Variants in NDUFAF2 observed in about 807,000 individuals in gnomAD.
NDUFAF2 encodes the protein NADH:ubiquinone oxidoreductase complex assembly factor 2.
Under a neutral mutation model 22.8 loss-of-function variants are expected in NDUFAF2, and 13 were observed. That is an observed-to-expected ratio of 0.57 (90% CI 0.37 to 0.91). The LOEUF is 0.91. Among genes scored for constraint, NDUFAF2 ranks in the 40% least tolerant of loss-of-function variants. NDUFAF2 has a pLI of 0.01. For missense variants in NDUFAF2, 162 were observed against 195.2 expected (o/e 0.83, Z 1.01); for synonymous variants, 53 against 64.2 (o/e 0.83, Z 0.84).
chr5:61,009,399 C>G (rs1047504447), intron 1 of NDUFAF2, among the ~76,000 whole-genome samples: 1 of 151,992 alleles, frequency 6.6e-6, no homozygotes, highest in African/African-American at 2.4e-5. Flanking sequence ...CTAATCTCAC[C>G]AAGGAATCAA....
At chr5:61,108,308 G>C (rs976548134) in intron 3 of NDUFAF2, among the ~76,000 whole-genome samples, 2 of 149,032 alleles carry the variant, frequency 1.3e-5, no homozygotes, top group Non-Finnish European at 1.5e-5. Flanking sequence ...CTAGTTTACA[G>C]TCCCACCAAC....
chr5:60,976,646 A>C (rs1750906249), intron 1 of NDUFAF2, among the ~76,000 whole-genome samples: 1 of 152,136 alleles, frequency 6.6e-6, no homozygotes, highest in Admixed American at 6.5e-5. Flanking sequence ...AGATAGTTTC[A>C]CTTTAAGCTT....
At chr5:60,981,035 A>G (rs1750970036) in intron 1 of NDUFAF2, among the ~76,000 whole-genome samples, 1 of 152,186 alleles carries the variant, frequency 6.6e-6, no homozygotes, top group South Asian at 2.1e-4. Flanking sequence ...GAGGTAATAG[A>G]GAACTTCCCA....
chr5:61,115,143 C>T (rs1233127723), intron 3 of NDUFAF2: 1 of 152,460 alleles, frequency 6.6e-6, no homozygotes, highest in Non-Finnish European at 1.5e-5. Flanking sequence ...TCTTCCCACT[C>T]TTCTCTCCCC....
chr5:61,119,910 A>C (rs907095309), intron 3 of NDUFAF2, among the ~76,000 whole-genome samples: 1 of 152,182 alleles, frequency 6.6e-6, no homozygotes, highest in African/African-American at 2.4e-5. Context: ...GTACATTTAA[A>C]AATTTTTTTA....
chr5:61,036,780 A>G (rs1224600562), intron 1 of NDUFAF2, among the ~76,000 whole-genome samples: 1 of 152,150 alleles, frequency 6.6e-6, no homozygotes, highest in Non-Finnish European at 1.5e-5. Flanking sequence ...CCTTCTCCCC[A>G]TTTGACCTTG....
At chr5:61,085,894 C>T (rs1752500658) in intron 2 of NDUFAF2, among the ~76,000 whole-genome samples, 1 of 152,054 alleles carries the variant, frequency 6.6e-6, no homozygotes, top group Admixed American at 6.6e-5. Context: ...GTGGGAGGAT[C>T]ACTTGAGGCC....
chr5:61,028,375 A>G (rs929402795), intron 1 of NDUFAF2, among the ~76,000 whole-genome samples: 8 of 152,104 alleles, frequency 5.3e-5, no homozygotes, highest in Admixed American at 5.2e-4. Context: ...CCATGCTCAT[A>G]AAATTTCTAT....
At chr5:61,062,661 T>C (rs1041411905) in intron 1 of NDUFAF2, among the ~76,000 whole-genome samples, 1 of 152,084 alleles carries the variant, frequency 6.6e-6, no homozygotes, top group Non-Finnish European at 1.5e-5. Flanking sequence ...TGCTGAAAAT[T>C]TGTCAAGTCT....
At chr5:60,983,722 A>G (rs1751025577) in intron 1 of NDUFAF2, among the ~76,000 whole-genome samples, 1 of 150,386 alleles carries the variant, frequency 6.6e-6, no homozygotes, top group Non-Finnish European at 1.5e-5. Flanking sequence ...GATATGCGGC[A>G]TTATTTCTGA....
intron 1 of NDUFAF2, among the ~76,000 whole-genome samples, chr5:61,020,993 CTTTT>C (rs35877702): frequency 8.6e-6 from 1 of 116,620 alleles, no homozygotes; most frequent in Non-Finnish European, 1.8e-5. Flanking sequence ...TGCGTCCAGC[CTTTT>C]TTTTTTTTTT....
chr5:61,079,305 A>C (rs1752410595), intron 2 of NDUFAF2, among the ~76,000 whole-genome samples: 1 of 152,170 alleles, frequency 6.6e-6, no homozygotes, highest in African/African-American at 2.4e-5. Context: ...TTTCAAAGTA[A>C]GCTTCATAAA....
intron 1 of NDUFAF2, among the ~76,000 whole-genome samples, chr5:61,041,640 C>T (rs1387310824): frequency 6.6e-6 from 1 of 152,116 alleles, no homozygotes; most frequent in African/African-American, 2.4e-5. Context: ...GAATTATAAG[C>T]AACGTTTAGT....
chr5:60,976,316 T>TC (rs1240710322), intron 1 of NDUFAF2, among the ~76,000 whole-genome samples: 5 of 147,160 alleles, frequency 3.4e-5, no homozygotes, highest in Non-Finnish European at 7.6e-5. Flanking sequence ...TTTTTTTTTT[T>TC]CTTAGCTTCT....
chr5:61,135,728 G>T lies in NDUFAF2; in HGVS notation c.259-16976G>T, dbSNP rs1740916078. 2.6e-5 allele frequency among the ~76,000 whole-genome samples: 4 copies of T among 152,114 alleles called. No homozygotes were observed. The South Asian group carries it at 8.3e-4, about 32-fold the overall frequency. On this transcript the variant is annotated intron_variant, in intron 3 of 3. Coordinates refer to ENST00000296597, the MANE Select transcript of NDUFAF2 (RefSeq NM_174889.5). ...AATTGCCAGTTTACATGAAATACAAGGGTAAAGAAACATGTTAGATGATAC... is the reference window on the plus strand; with the variant it reads ...AATTGCCAGTTTACATGAAATACAATGGTAAAGAAACATGTTAGATGATAC...
chr5:60,979,361 G>A lies in NDUFAF2; in HGVS notation c.127+33979G>A, dbSNP rs770246872. ...GTAGAGCACTAAGTGGGCTCATGGG[G>A]CCCCCACTTTTAGGCCCTGGCTCCT... On this transcript the variant is annotated intron_variant, in intron 1 of 3. Transcript: ENST00000296597. Among the ~76,000 whole-genome samples, 51 of 152,226 alleles carry A rather than the reference G, an allele frequency of 3.4e-4. 1 individual carries two copies. Among genetic ancestry groups the A allele is most frequent in the Admixed American group, 2.0e-4 (3 of 15,284 alleles).
chr5:61,095,739 A>C (rs1182250996), intron 2 of NDUFAF2, among the ~76,000 whole-genome samples: 1 of 152,186 alleles, frequency 6.6e-6, no homozygotes, highest in Non-Finnish European at 1.5e-5. Flanking sequence ...CCATGGGAGA[A>C]GCATGGTTTC....
intron 1 of NDUFAF2, among the ~76,000 whole-genome samples, chr5:60,956,729 G>A (rs1292355670): frequency 2.0e-5 from 3 of 151,946 alleles, no homozygotes; most frequent in Non-Finnish European, 4.4e-5. Context: ...TTTGTGCTGA[G>A]GTTTTTATGA....
At position 61,152,793 on chromosome 5, in the gene NDUFAF2, C is replaced by T; in HGVS notation, c.348C>T (p.Thr116=). Residue 116 remains threonine, a synonymous_variant, in exon 4 of 4, where the codon ACC becomes ACT. Transcript: ENST00000296597. Reference sequence around the variant, plus strand: ...AAGAAAAACTCCTTAGTAAAGAGACCAGTGAGGAACTCCTGCCTCCACCAG... The same window carrying T: ...AAGAAAAACTCCTTAGTAAAGAGACTAGTGAGGAACTCCTGCCTCCACCAG... ...YEKEKLLSKE[T]SEELLPPPVQ... is the part of the protein sequence containing the mutation. 6.3e-7 allele frequency: 1 copy of T among 1,599,878 alleles called. No individual in the cohort carries two copies. Among genetic ancestry groups the T allele is most frequent in the South Asian group, 1.1e-5 (1 of 89,230 alleles).
Sources: gnomAD v4.1 joint callset for allele counts (sites outside exome capture counted in the v4.1 genomes callset) on GRCh38, gnomAD v4.1.1 for gene constraint, MANE v1.5 for transcripts, NCBI Gene and HGNC (gene_info 2026-07-23, HGNC 2026-07-21) for gene names.